Variants in TENM2 observed in about 807,000 individuals in gnomAD.
The protein encoded by TENM2 is teneurin-2.
TENM2 carries 52 observed loss-of-function variants against 245.2 expected under a neutral mutation model. That is an observed-to-expected ratio of 0.21 (90% CI 0.17 to 0.27). TENM2 has a LOEUF of 0.27. Among genes scored for constraint, TENM2 ranks in the 10% least tolerant of loss-of-function variants. The pLI is 1.00. For synonymous variants in TENM2, 1,363 were observed against 1,438.9 expected (o/e 0.95, Z 1.19); for missense variants, 3,046 against 3,666.8 (o/e 0.83, Z 4.37).
chr5:167,004,980 C>T, the TENM2 span, among the ~76,000 whole-genome samples: 19 of 150,822 alleles, frequency 1.3e-4, no homozygotes, highest in African/African-American at 3.7e-4. Flanking sequence ...GAATAGAGTC[C>T]GAATAAATAA....
At chr5:167,921,382 G>C (rs1313457260) in intron 3 of TENM2, among the ~76,000 whole-genome samples, 1 of 152,174 alleles carries the variant, frequency 6.6e-6, no homozygotes, top group Non-Finnish European at 1.5e-5. Flanking sequence ...CTCATTCGCA[G>C]GAGTTGAGTT....
the TENM2 span, among the ~76,000 whole-genome samples, chr5:167,275,834 T>C: frequency 6.6e-6 from 1 of 152,074 alleles, no homozygotes; most frequent in Non-Finnish European, 1.5e-5. Flanking sequence ...TTCTTTCTGA[T>C]CTATATGCTT....
chr5:167,345,929 AAACAT>A (rs1343809769), intron 1 of TENM2, among the ~76,000 whole-genome samples: 4 of 152,054 alleles, frequency 2.6e-5, no homozygotes, highest in Non-Finnish European at 5.9e-5. Flanking sequence ...AGTGAAAGGA[AAACAT>A]AACATGAGTT....
At chr5:167,761,417 A>C (rs892438163) in intron 2 of TENM2, among the ~76,000 whole-genome samples, 2 of 152,138 alleles carry the variant, frequency 1.3e-5, no homozygotes, top group Admixed American at 6.5e-5. Flanking sequence ...CAAGTGTCCC[A>C]AAGAGGCCAC....
rs528068170 is a variant in TENM2 at position 168,191,621 on chromosome 5, A to ATTT, written c.2780+1076_2780+1077insTTT. Among the ~76,000 whole-genome samples the ATTT allele has an allele frequency of 3.0e-3, 451 of 152,052 alleles. 1 individual carries two copies. Among genetic ancestry groups the ATTT allele is most frequent in the African/African-American group, 0.011 (436 of 41,492 alleles). On this transcript the variant is annotated intron_variant, in intron 14 of 28. Transcript: ENST00000518659. Reference sequence around the variant, plus strand: ...CCCCTTTGCAGCCCTGACGACCCCCATTGTGCCATCTTTGTCTTATTTCTC... The same window carrying ATTT: ...CCCCTTTGCAGCCCTGACGACCCCCATTTTTGTGCCATCTTTGTCTTATTTCTC...
At chr5:167,345,892 CAA>C (rs57279945) in intron 1 of TENM2, among the ~76,000 whole-genome samples, 59 of 67,936 alleles carry the variant, frequency 8.7e-4, no homozygotes, top group African/African-American at 2.5e-3. Context: ...AACATACAGC[CAA>C]AAAAAAAAAA....
chr5:168,095,927 TA>T (rs1326945797), intron 8 of TENM2, among the ~76,000 whole-genome samples: 1 of 152,060 alleles, frequency 6.6e-6, no homozygotes, highest in Non-Finnish European at 1.5e-5. Flanking sequence ...TCCCTCAGAG[TA>T]ACACCTCAGG....
chr5:167,908,161 A>G (rs1046301764), intron 3 of TENM2, among the ~76,000 whole-genome samples: 2 of 152,144 alleles, frequency 1.3e-5, no homozygotes, highest in Non-Finnish European at 2.9e-5. Context: ...ACTCTGTCCT[A>G]GACTTTCTCT....
Position 167,415,449 on chromosome 5 carries a change from A to C in TENM2, c.502+39976A>C, listed in dbSNP as rs1003838192. ...TGCAAGATGGACTGTGATGTTAAAG[A>C]ATAATGTTTTCTAATTATCATTGAC... On this transcript the variant is annotated intron_variant, in intron 2 of 28. Coordinates refer to ENST00000518659, the Ensembl canonical transcript of TENM2. Among the ~76,000 whole-genome samples, 17 of 152,318 alleles carry C rather than the reference A, an allele frequency of 1.1e-4. No homozygotes were observed. In the South Asian group the frequency reaches 1.4e-3, roughly 13 times the overall value.
At chr5:167,613,149 G>A (rs1310248327) in intron 2 of TENM2, among the ~76,000 whole-genome samples, 1 of 152,124 alleles carries the variant, frequency 6.6e-6, no homozygotes, top group South Asian at 2.1e-4. Context: ...CCATGTTCTG[G>A]TGTCAGATCG....
At chr5:167,986,040 A>G (rs1305746402) in intron 4 of TENM2, among the ~76,000 whole-genome samples, 3 of 152,188 alleles carry the variant, frequency 2.0e-5, no homozygotes, top group Non-Finnish European at 4.4e-5. Flanking sequence ...GATGTTATGA[A>G]TGAGGTTTTT....
At chr5:167,533,040 G>A (rs1440521489) in intron 2 of TENM2, among the ~76,000 whole-genome samples, 1 of 152,054 alleles carries the variant, frequency 6.6e-6, no homozygotes, top group African/African-American at 2.4e-5. Context: ...ACAATGACCT[G>A]ATTTGGATGA....
Position 168,034,047 on chromosome 5 carries a change from G to GTA in TENM2, c.1187-13379_1187-13378insAT, listed in dbSNP as rs199519901. 5.2e-3 allele frequency among the ~76,000 whole-genome samples: 694 copies of GTA among 133,202 alleles called. 8 individuals carry two copies. The highest frequency in any genetic ancestry group is 0.012 in the African/African-American group (396 of 32,938). The allele number at this position is 133,202 out of a possible 152,430, so 87.4% of individuals were successfully genotyped here. On this transcript the variant is annotated intron_variant, in intron 5 of 28. Transcript: ENST00000518659. ...GTCTCAAATATATATATATATGTGT[G>GTA]TGTATATATATATATATGTGTATAT...
intron 2 of TENM2, among the ~76,000 whole-genome samples, chr5:167,489,422 C>T (rs1029110798): frequency 6.6e-6 from 1 of 152,120 alleles, no homozygotes; most frequent in African/African-American, 2.4e-5. Flanking sequence ...TACTCACTCC[C>T]CAGAAAGCCA....
rs1009561280 is a variant in TENM2, at chr5:167,816,892, T to C, written c.503-59094T>C. ...CTGGCTCTACCATTAGTATGTACCA[T>C]GGAAGTACATACTAAATAAGGGAAA... On this transcript the variant is annotated intron_variant, in intron 2 of 28. Transcript: ENST00000518659. Among the ~76,000 whole-genome samples, 13 of 152,128 alleles carry C rather than the reference T, an allele frequency of 8.5e-5. 1 individual carries two copies. The highest frequency in any genetic ancestry group is 7.2e-4 in the Admixed American group (11 of 15,266).
intron 27 of TENM2, among the ~76,000 whole-genome samples, chr5:168,253,677 G>A (rs975664546): frequency 6.6e-6 from 1 of 151,860 alleles, no homozygotes; most frequent in African/African-American, 2.4e-5. Flanking sequence ...CGCCCGCCTC[G>A]GCCTCCCAAA....
chr5:167,944,832 T>G (rs886613298), intron 3 of TENM2, among the ~76,000 whole-genome samples: 9 of 152,204 alleles, frequency 5.9e-5, no homozygotes, highest in Non-Finnish European at 1.2e-4. Context: ...TTGTATGATA[T>G]CTCAGTAAAA....
intron 5 of TENM2, among the ~76,000 whole-genome samples, chr5:168,008,812 A>G (rs1785014868): frequency 6.6e-6 from 1 of 152,218 alleles, no homozygotes; most frequent in Non-Finnish European, 1.5e-5. Flanking sequence ...TCACTTCTCT[A>G]AAAGCATGGT....
At chr5:167,539,256 T>C (rs562968640) in intron 2 of TENM2, among the ~76,000 whole-genome samples, 8 of 152,330 alleles carry the variant, frequency 5.3e-5, no homozygotes, top group Admixed American at 4.6e-4. Flanking sequence ...ATTTTAAGAA[T>C]ACATGACTTA....
Sources: gnomAD v4.1 joint callset for allele counts (sites outside exome capture counted in the v4.1 genomes callset) on GRCh38, gnomAD v4.1.1 for gene constraint, MANE v1.5 for transcripts, NCBI Gene and HGNC (gene_info 2026-07-23, HGNC 2026-07-21) for gene names.